Variants in TIAM1 observed in about 807,000 individuals in gnomAD.
TIAM1 encodes rho guanine nucleotide exchange factor TIAM1.
In TIAM1, 65 loss-of-function variants were observed where a neutral mutation model predicts 163.5. That is an observed-to-expected ratio of 0.40 (90% CI 0.33 to 0.49). The LOEUF (loss-of-function observed/expected upper bound fraction) is 0.49, where lower values mean the gene tolerates loss of function less well. Among genes scored for constraint, TIAM1 ranks in the 20% least tolerant of loss-of-function variants. The probability of loss-of-function intolerance (pLI) is 0.77; values close to 1 mark genes in which losing one functional copy is unlikely to be tolerated. For synonymous variants in TIAM1, 833 were observed against 810.1 expected (o/e 1.03, Z -0.48); for missense variants, 1,789 against 2,044.7 (o/e 0.87, Z 2.41).
At chr21:31,361,842 T>TAGAC (rs1378902578) in intron 2 of TIAM1, among the ~76,000 whole-genome samples, 1 of 135,288 alleles carries the variant, frequency 7.4e-6, no homozygotes, top group Non-Finnish European at 1.7e-5. Flanking sequence ...AAAGATTAGA[T>TAGAC]AGATAGATAG....
chr21:31,230,610 C>T (rs759541687), intron 6 of TIAM1, among the ~76,000 whole-genome samples: 24 of 152,106 alleles, frequency 1.6e-4, no homozygotes, highest in Non-Finnish European at 2.6e-4. Flanking sequence ...CTGCCACCTC[C>T]GCCTCCTGGG....
intron 2 of TIAM1, among the ~76,000 whole-genome samples, chr21:31,457,281 A>G (rs747204008): frequency 6.6e-6 from 1 of 152,184 alleles, no homozygotes; most frequent in Non-Finnish European, 1.5e-5. Flanking sequence ...CCAGACGGTC[A>G]TTGCTCTACC....
rs371552775 is a variant in TIAM1, at chr21:31,507,743, A to C, written c.-421-43708T>G. Among the ~76,000 whole-genome samples the C allele has an allele frequency of 2.0e-5, 3 of 152,326 alleles. No homozygotes were observed. In the East Asian group the frequency reaches 5.8e-4, roughly 29 times the overall value. On this transcript the variant is annotated intron_variant, in intron 1 of 28. Coordinates refer to the TIAM1 transcript ENST00000286827. ...CAGATCACAGGCAGCTATCTGGAGC[A>C]GACAGACAACAGTGAAACTGACGCA...
At chr21:31,304,792 A>C (rs1459094210) in intron 2 of TIAM1, among the ~76,000 whole-genome samples, 3 of 152,164 alleles carry the variant, frequency 2.0e-5, no homozygotes, top group African/African-American at 4.8e-5. Flanking sequence ...TCCTGGGTTT[A>C]AGCGATTCTC....
At chr21:31,355,704 A>AG (rs775076710) in intron 2 of TIAM1, among the ~76,000 whole-genome samples, 49 of 152,104 alleles carry the variant, frequency 3.2e-4, no homozygotes, top group Admixed American at 7.2e-4. Context: ...GGCGCGTGCC[A>AG]CCACACTGGG....
chr21:31,386,055 C>A (rs2076866111), intron 2 of TIAM1, among the ~76,000 whole-genome samples: 1 of 151,858 alleles, frequency 6.6e-6, no homozygotes, highest in Non-Finnish European at 1.5e-5. Flanking sequence ...GAATTAACTT[C>A]AAGGTCAAAG....
intron 20 of TIAM1, among the ~76,000 whole-genome samples, chr21:31,144,801 C>G (rs1422551790): frequency 2.2e-5 from 3 of 138,122 alleles, no homozygotes; most frequent in Non-Finnish European, 4.5e-5. Flanking sequence ...TGCGCTCCAG[C>G]CTGGGTGACA....
intron 2 of TIAM1, among the ~76,000 whole-genome samples, chr21:31,279,532 C>T (rs553425834): frequency 2.6e-5 from 4 of 152,318 alleles, no homozygotes; most frequent in East Asian, 1.9e-4. Flanking sequence ...TCGGGCTGCA[C>T]GCATCCGGTC....
At chr21:31,439,787 A>G (rs1243739320) in intron 2 of TIAM1, among the ~76,000 whole-genome samples, 1 of 152,248 alleles carries the variant, frequency 6.6e-6, no homozygotes, top group Non-Finnish European at 1.5e-5. Context: ...GTGCTAACCC[A>G]GAAACCATAA....
chr21:31,242,538 G>A (rs867942199), intron 6 of TIAM1, among the ~76,000 whole-genome samples: 1 of 152,168 alleles, frequency 6.6e-6, no homozygotes, highest in African/African-American at 2.4e-5. Context: ...AGAGATGGAA[G>A]CTAGTTGCCT....
At position 31,522,166 on chromosome 21, in the gene TIAM1, C is replaced by T. The variant is rs567841320; in HGVS notation, c.-422+36761G>A. 1.3e-3 allele frequency among the ~76,000 whole-genome samples: 193 copies of T among 151,924 alleles called. 3 individuals are homozygous for T. Among genetic ancestry groups the T allele is most frequent in the African/African-American group, 4.5e-3 (187 of 41,512 alleles). The stretch of plus-strand genomic sequence containing the variant: ...GATTACAGGCGTGAGCCACCACGCC[C>T]GGCCGGCTCTTAATAATTCTTAATT... On this transcript the variant is annotated intron_variant, in intron 1 of 28. Coordinates refer to the TIAM1 transcript ENST00000286827.
chr21:31,538,447 A>G (rs1178790986), intron 1 of TIAM1, among the ~76,000 whole-genome samples: 1 of 152,178 alleles, frequency 6.6e-6, no homozygotes, highest in Non-Finnish European at 1.5e-5. Flanking sequence ...GGAGGCTGAG[A>G]TGGGAGAAGA....
intron 12 of TIAM1, among the ~76,000 whole-genome samples, chr21:31,197,887 G>A (rs145332768): frequency 6.6e-6 from 1 of 152,192 alleles, no homozygotes; most frequent in Non-Finnish European, 1.5e-5. Flanking sequence ...CTCTAGAGCC[G>A]CATTCTTTCC....
At chr21:31,398,100 T>C (rs1339864594) in intron 2 of TIAM1, among the ~76,000 whole-genome samples, 2 of 124,960 alleles carry the variant, frequency 1.6e-5, no homozygotes, top group African/African-American at 3.2e-5. Context: ...ACCAGCAGAA[T>C]GGGACCCAGG....
At chr21:31,376,325 C>T (rs186301327) in intron 2 of TIAM1, among the ~76,000 whole-genome samples, 25 of 152,228 alleles carry the variant, frequency 1.6e-4, no homozygotes, top group Middle Eastern at 6.8e-3. Context: ...CATGATTCTC[C>T]CCAAACCATA....
At chr21:31,367,732 TATCA>T (rs751901272) in intron 2 of TIAM1, among the ~76,000 whole-genome samples, 5 of 152,220 alleles carry the variant, frequency 3.3e-5, no homozygotes, top group Non-Finnish European at 5.9e-5. Flanking sequence ...CTCTGTCCTT[TATCA>T]ATTACAGTCC....
chr21:31,155,184 C>G (rs571615643), intron 16 of TIAM1, among the ~76,000 whole-genome samples: 3 of 152,172 alleles, frequency 2.0e-5, no homozygotes, highest in African/African-American at 7.2e-5. Flanking sequence ...CCATTTGAAA[C>G]GTAGGATTCC....
intron 2 of TIAM1, among the ~76,000 whole-genome samples, chr21:31,388,226 C>CAG (rs2076910248): frequency 1.3e-5 from 1 of 75,614 alleles, no homozygotes; most frequent in East Asian, 3.9e-4. Context: ...CACACACACA[C>CAG]ACACACACAC....
chr21:31,497,608 T>C (rs995299176), intron 1 of TIAM1, among the ~76,000 whole-genome samples: 1 of 152,222 alleles, frequency 6.6e-6, no homozygotes, highest in African/African-American at 2.4e-5. Flanking sequence ...TTTTATATAT[T>C]TTGAATTTTG....
Sources: gnomAD v4.1 joint callset for allele counts (sites outside exome capture counted in the v4.1 genomes callset) on GRCh38, gnomAD v4.1.1 for gene constraint, MANE v1.5 for transcripts, NCBI Gene and HGNC (gene_info 2026-07-23, HGNC 2026-07-21) for gene names.